The following ATP8A1 variants were observed in gnomAD, a reference collection of about 807,000 sequenced individuals.
ATP8A1 encodes the protein phospholipid-transporting ATPase IA.
Under a neutral mutation model 177.7 loss-of-function variants are expected in ATP8A1, and 90 were observed. That is an observed-to-expected ratio of 0.51 (90% CI 0.43 to 0.60). The LOEUF is 0.60. Among genes scored for constraint, ATP8A1 ranks in the 20% least tolerant of loss-of-function variants. The pLI, the probability that ATP8A1 is intolerant of heterozygous loss-of-function variation, is 0.00. For missense variants in ATP8A1, 1,072 were observed against 1,392.8 expected (o/e 0.77, Z 3.67); for synonymous variants, 493 against 485.9 (o/e 1.01, Z -0.19).
intron 4 of ATP8A1, among the ~76,000 whole-genome samples, chr4:42,624,226 T>C (rs1005831572): frequency 4.6e-5 from 7 of 151,960 alleles, no homozygotes; most frequent in Non-Finnish European, 7.4e-5. Flanking sequence ...CTTAGATAAT[T>C]TGGAGGGTTT....
intron 33 of ATP8A1, among the ~76,000 whole-genome samples, chr4:42,430,010 T>C (rs1715089862): frequency 6.6e-6 from 1 of 152,094 alleles, no homozygotes; most frequent in Non-Finnish European, 1.5e-5. Context: ...GAGGTTTCAG[T>C]AGGGAAAGAT....
chr4:42,449,995 A>C (rs934759453), intron 30 of ATP8A1, among the ~76,000 whole-genome samples: 1 of 152,184 alleles, frequency 6.6e-6, no homozygotes, highest in Non-Finnish European at 1.5e-5. Flanking sequence ...TTTCAAACCT[A>C]TATCAATTTT....
chr4:42,548,679 C>T (rs1729176305), intron 19 of ATP8A1, among the ~76,000 whole-genome samples: 2 of 152,110 alleles, frequency 1.3e-5, no homozygotes, highest in African/African-American at 4.8e-5. Flanking sequence ...TACCCATTAA[C>T]CAACCTCTCT....
intron 33 of ATP8A1, among the ~76,000 whole-genome samples, chr4:42,439,220 G>A (rs1185472425): frequency 6.6e-6 from 1 of 152,092 alleles, no homozygotes; most frequent in Non-Finnish European, 1.5e-5. Flanking sequence ...AGTAAAGAGA[G>A]GCATACAAGA....
At chr4:42,620,168 T>TA (rs1319004048) in intron 4 of ATP8A1, among the ~76,000 whole-genome samples, 1 of 152,226 alleles carries the variant, frequency 6.6e-6, no homozygotes, top group African/African-American at 2.4e-5. Context: ...TTCTCACTGA[T>TA]AAAGACAGCT....
At chr4:42,555,226 C>A (rs2153213075) in intron 16 of ATP8A1, among the ~76,000 whole-genome samples, 1 of 149,898 alleles carries the variant, frequency 6.7e-6, no homozygotes. Flanking sequence ...CCCTAGAGAA[C>A]CCTAATACAG....
chr4:42,506,982 CACCA>C, intron 23 of ATP8A1, 30 bp downstream of exon 23: 1 of 1,605,580 alleles, frequency 6.2e-7, no homozygotes, highest in African/African-American at 1.3e-5. Flanking sequence ...TATTAAAAAG[CACCA>C]ACATGTAAAA....
intron 5 of ATP8A1, among the ~76,000 whole-genome samples, chr4:42,606,162 T>A (rs1735779292): frequency 6.6e-6 from 1 of 152,222 alleles, no homozygotes; most frequent in African/African-American, 2.4e-5. Flanking sequence ...ATGTGTCAAT[T>A]ACAACGGGTT....
Position 42,592,886 on chromosome 4 carries a change from G to A in ATP8A1, c.451-2002C>T, listed in dbSNP as rs73810729. The stretch of plus-strand genomic sequence containing the variant: ...GGGACCACCGTTGTATATGTGTTTC[G>A]TAATTGACCAAAATGTTGTTATGCA... On this transcript the variant is annotated intron_variant, in intron 6 of 36. Coordinates refer to ENST00000381668, the MANE Select transcript of ATP8A1 (RefSeq NM_006095.2). 7.8e-3 allele frequency among the ~76,000 whole-genome samples: 1,190 copies of A among 152,196 alleles called. 18 individuals carry two copies. The highest frequency in any genetic ancestry group is 0.027 in the African/African-American group (1,125 of 41,538).
At chr4:42,473,993 C>T (rs1720776429) in intron 25 of ATP8A1, among the ~76,000 whole-genome samples, 2 of 152,140 alleles carry the variant, frequency 1.3e-5, no homozygotes, top group Non-Finnish European at 2.9e-5. Flanking sequence ...GCTTGCTCTT[C>T]TCTGCCTCAT....
intron 32 of ATP8A1, among the ~76,000 whole-genome samples, chr4:42,444,078 G>A (rs1454894575): frequency 2.0e-5 from 3 of 152,138 alleles, no homozygotes; most frequent in Admixed American, 6.5e-5. Flanking sequence ...CTTTCCCAGG[G>A]ACATGAAACT....
chr4:42,497,402 G>T (rs919734440), intron 24 of ATP8A1, among the ~76,000 whole-genome samples: 1 of 152,156 alleles, frequency 6.6e-6, no homozygotes, highest in East Asian at 1.9e-4. Flanking sequence ...CATGGCGTGC[G>T]CCTCTCAGAA....
chr4:42,506,736 AC>A (rs1724404191), intron 23 of ATP8A1, among the ~76,000 whole-genome samples: 1 of 152,182 alleles, frequency 6.6e-6, no homozygotes, highest in South Asian at 2.1e-4. Context: ...CAAATTAGCA[AC>A]CTTCTTCTTT....
chr4:42,555,161 T>A (rs895310027), intron 16 of ATP8A1, among the ~76,000 whole-genome samples: 1 of 133,910 alleles, frequency 7.5e-6, no homozygotes, highest in Non-Finnish European at 1.6e-5. Flanking sequence ...TATCTATCTA[T>A]CTATCTATCT....
At chr4:42,413,642 C>T (rs1333429006) in intron 36 of ATP8A1, among the ~76,000 whole-genome samples, 1 of 152,210 alleles carries the variant, frequency 6.6e-6, no homozygotes, top group African/African-American at 2.4e-5. Context: ...CACATCAGTT[C>T]ATTCTAGTGG....
In ATP8A1 at chr4:42,423,625, C is replaced by G. The variant is rs374530990; in HGVS notation, c.3204G>C (p.Val1068=). ...ACTGAGTATATACTTACACCTTGTA[C>G]ACCACATCAAGGAGCAGAGATGCCA... ...IPVASLLLDV[V]YKVIKRTAFK... Residue 1068 remains valine (V), a synonymous_variant, in exon 34 of 37, where the codon GTG becomes GTC. Coordinates refer to ENST00000381668, the MANE Select transcript of ATP8A1 (RefSeq NM_006095.2). 3 of 1,608,978 alleles carry G rather than the reference C, an allele frequency of 1.9e-6. No homozygotes were observed. The highest frequency in any genetic ancestry group is 4.5e-5 in the East Asian group (2 of 44,782).
At chr4:42,598,030 T>C (rs553673592) in intron 6 of ATP8A1, among the ~76,000 whole-genome samples, 3 of 152,284 alleles carry the variant, frequency 2.0e-5, no homozygotes, top group Non-Finnish European at 2.9e-5. Flanking sequence ...ATATTTCACA[T>C]AGCCTGCCTA....
intron 27 of ATP8A1, chr4:42,459,511 T>C: frequency 2.8e-6 from 1 of 356,378 alleles, no homozygotes; most frequent in South Asian, 2.4e-5. Context: ...TATAAATTGT[T>C]ATTTGCTTGA....
intron 1 of ATP8A1, among the ~76,000 whole-genome samples, chr4:42,649,392 C>A (rs933890952): frequency 1.3e-5 from 2 of 152,074 alleles, no homozygotes; most frequent in Non-Finnish European, 2.9e-5. Context: ...ACAAATATAT[C>A]TTTTCTGGAA....
Sources: gnomAD v4.1 joint callset for allele counts (sites outside exome capture counted in the v4.1 genomes callset) on GRCh38, gnomAD v4.1.1 for gene constraint, MANE v1.5 for transcripts, NCBI Gene and HGNC (gene_info 2026-07-23, HGNC 2026-07-21) for gene names.